PATJ: variants seen among roughly 807,000 people sequenced by gnomAD.
PATJ encodes the protein inaD-like protein.
A neutral mutation model predicts 224.9 loss-of-function variants in PATJ; 190 were observed. The observed-to-expected ratio is 0.84, with a 90% CI of 0.75 to 0.95. PATJ has a LOEUF of 0.95. Ranked by LOEUF, PATJ falls within the 40% of genes least tolerant of loss-of-function variation. The pLI is 0.00. For synonymous variants in PATJ, 769 were observed against 820.3 expected (o/e 0.94, Z 1.07); for missense variants, 2,121 against 2,270.3 (o/e 0.93, Z 1.34).
chr1:62,073,870 A>G (rs906594575), intron 31 of PATJ, among the ~76,000 whole-genome samples: 1 of 152,142 alleles, frequency 6.6e-6, no homozygotes, highest in African/African-American at 2.4e-5. Context: ...ATTAGAAATA[A>G]AAATTACAAA....
intron 14 of PATJ, among the ~76,000 whole-genome samples, chr1:61,812,084 A>G (rs1380330609): frequency 6.6e-6 from 1 of 151,908 alleles, no homozygotes; most frequent in Non-Finnish European, 1.5e-5. Flanking sequence ...TATATTTTTC[A>G]TCTATTTCTG....
chr1:61,745,390 C>G (rs2148129415), intron 1 of PATJ, among the ~76,000 whole-genome samples: 1 of 151,890 alleles, frequency 6.6e-6, no homozygotes, highest in East Asian at 1.9e-4. Flanking sequence ...TGTCCTGCCT[C>G]AGACTCCTGA....
chr1:62,010,861 T>C (rs942474738), intron 28 of PATJ, among the ~76,000 whole-genome samples: 4 of 152,230 alleles, frequency 2.6e-5, no homozygotes, highest in African/African-American at 9.6e-5. Context: ...ATCTTCATTA[T>C]TGAGCTTAGC....
At chr1:62,130,845 C>A (rs575403954) in intron 41 of PATJ, among the ~76,000 whole-genome samples, 1 of 151,928 alleles carries the variant, frequency 6.6e-6, no homozygotes, top group Non-Finnish European at 1.5e-5. Context: ...AGCAAGACTC[C>A]GTCTCAAAAG....
chr1:61,814,547 T>TGTGTGCGCGCGCGCGCGC (rs370488022), intron 14 of PATJ, among the ~76,000 whole-genome samples: 1 of 142,494 alleles, frequency 7.0e-6, no homozygotes, highest in African/African-American at 2.7e-5. Context: ...TGTGTGTGTG[T>TGTGTGCGCGCGCGCGCGC]GCGCGCGCGC....
intron 30 of PATJ, among the ~76,000 whole-genome samples, chr1:62,046,504 G>A (rs868178986): frequency 1.3e-5 from 2 of 152,254 alleles, no homozygotes; most frequent in Middle Eastern, 6.8e-3. Flanking sequence ...GGAAAAGTGG[G>A]GAGGCGTAGT....
chr1:62,054,829 G>C (rs937608512), intron 31 of PATJ, among the ~76,000 whole-genome samples: 1 of 152,088 alleles, frequency 6.6e-6, no homozygotes, highest in African/African-American at 2.4e-5. Flanking sequence ...TGCCGAGGCG[G>C]GGAGATCAAG....
At chr1:62,151,996 T>C (rs1668683273) in intron 42 of PATJ, among the ~76,000 whole-genome samples, 1 of 152,138 alleles carries the variant, frequency 6.6e-6, no homozygotes, top group African/African-American at 2.4e-5. Context: ...AAAGCTAAAT[T>C]TTACATTTGA....
At chr1:62,061,760 C>T (rs545257632) in intron 31 of PATJ, among the ~76,000 whole-genome samples, 22 of 150,918 alleles carry the variant, frequency 1.5e-4, no homozygotes, top group African/African-American at 2.7e-4. Context: ...CCCAGGTTCA[C>T]GCCATTCTCC....
intron 17 of PATJ, among the ~76,000 whole-genome samples, chr1:61,838,124 G>A (rs1660479434): frequency 6.6e-6 from 1 of 152,180 alleles, no homozygotes; most frequent in African/African-American, 2.4e-5. Context: ...TTAGCTCTTA[G>A]GGTACAGTGG....
intron 31 of PATJ, among the ~76,000 whole-genome samples, chr1:62,065,954 A>G (rs1656338872): frequency 6.6e-6 from 1 of 152,156 alleles, no homozygotes. Context: ...GGGAAGCCTT[A>G]TTTGCACACA....
intron 26 of PATJ, among the ~76,000 whole-genome samples, chr1:61,916,741 T>C (rs1179785583): frequency 6.6e-6 from 1 of 152,154 alleles, no homozygotes; most frequent in Non-Finnish European, 1.5e-5. Context: ...ACCGGAATTG[T>C]ATTATTACTT....
intron 41 of PATJ, 143 bp from the exon 42 acceptor site, chr1:62,148,141 A>AAAT: frequency 4.2e-6 from 2 of 471,914 alleles, no homozygotes; most frequent in East Asian, 3.2e-5. Context: ...AAAAAAAAAA[A>AAAT]GTTTGAGAGA....
intron 17 of PATJ, among the ~76,000 whole-genome samples, chr1:61,855,598 G>A (rs138899623): frequency 1.8e-4 from 27 of 152,080 alleles, no homozygotes; most frequent in African/African-American, 5.3e-4. Flanking sequence ...TATATTTTGC[G>A]GAGATGGGAT....
At position 62,050,968 on chromosome 1, in the gene PATJ, T is replaced by A. The variant is rs1353110216; in HGVS notation, c.4035T>A (p.Asp1345Glu). The A allele has an allele frequency of 6.2e-7, 1 of 1,612,918 alleles. No individual in the cohort carries two copies. The highest frequency in any genetic ancestry group is 2.2e-5 in the East Asian group (1 of 44,872). Reference protein sequence around the residue: ...VPSSSPSSIEDQSGTEPISSE... With the variant: ...VPSSSPSSIEEQSGTEPISSE... ...ATTTTCTTTTTAACGTTCCATAGGA[T>A]CAGAGCGGCACCGAACCTATTAGTA... The change falls in exon 31 of 44, where the codon GAT becomes GAA. Residue 1345 changes from aspartate to glutamate, a missense_variant and splice_region_variant. Asp to Glu is a conservative substitution (Grantham distance 45). Transcript: ENST00000642238.
intron 14 of PATJ, among the ~76,000 whole-genome samples, chr1:61,820,327 C>T (rs1419849705): frequency 4.0e-5 from 6 of 151,770 alleles, no homozygotes; most frequent in Non-Finnish European, 5.9e-5. Flanking sequence ...CGTGAGCCAC[C>T]GTGCCTGGCC....
chr1:62,077,412 G>C (rs1658481216), intron 31 of PATJ, among the ~76,000 whole-genome samples: 1 of 152,048 alleles, frequency 6.6e-6, no homozygotes, highest in Admixed American at 6.6e-5. Context: ...ATAGTGGCGG[G>C]GCACAGTGGC....
intron 31 of PATJ, among the ~76,000 whole-genome samples, chr1:62,076,008 C>A (rs1256854971): frequency 1.3e-5 from 2 of 151,698 alleles, no homozygotes; most frequent in Non-Finnish European, 2.9e-5. Context: ...TGGTTCTTAA[C>A]CCTGTTTTAT....
At chr1:62,117,020 T>G in intron 36 of PATJ, 112 bp from the exon 37 acceptor site, 1 of 858,052 alleles carries the variant, frequency 1.2e-6, no homozygotes, top group Non-Finnish European at 1.8e-6. Flanking sequence ...GCTATGCCTG[T>G]TGCTTTCATT....
Sources: gnomAD v4.1 joint callset for allele counts (sites outside exome capture counted in the v4.1 genomes callset) on GRCh38, gnomAD v4.1.1 for gene constraint, MANE v1.5 for transcripts, NCBI Gene and HGNC (gene_info 2026-07-23, HGNC 2026-07-21) for gene names.